F7: variants seen among roughly 807,000 people sequenced by gnomAD.
F7 encodes the protein coagulation factor VII.
In F7, 38 loss-of-function variants were observed where a neutral mutation model predicts 47.5. The ratio of observed to expected loss-of-function variants is 0.80; its 90% CI spans 0.62 to 1.05. The LOEUF (loss-of-function observed/expected upper bound fraction) is 1.05. F7 is among the 50% of genes least tolerant of loss of function. The pLI is 0.00. For synonymous variants in F7, 244 were observed against 258.5 expected (o/e 0.94, Z 0.54); for missense variants, 575 against 605.4 (o/e 0.95, Z 0.53).
Position 113,118,778 on chromosome 13 carries a change from G to A in F7, c.1105G>A (p.Gly369Ser), listed in dbSNP as rs190485816. 19 of 1,613,134 alleles carry A rather than the reference G, an allele frequency of 1.2e-5. No homozygotes were observed. Among genetic ancestry groups the A allele is most frequent in the African/African-American group, 4.0e-5 (3 of 75,038 alleles). Reference protein sequence around the residue: ...PNITEYMFCAGYSDGSKDSCK... With the variant: ...PNITEYMFCASYSDGSKDSCK... Reference sequence around the variant, plus strand: ...TATCACGGAGTACATGTTCTGTGCCGGCTACTCGGATGGCAGCAAGGACTC... The same window carrying A: ...TATCACGGAGTACATGTTCTGTGCCAGCTACTCGGATGGCAGCAAGGACTC... The change falls in exon 8 of 8, where the codon GGC (glycine) becomes AGC (serine). Residue 369 changes from glycine (G) to serine (S), a missense_variant. Coordinates refer to ENST00000346342, the MANE Select transcript of F7 (RefSeq NM_019616.4).
chr13:113,105,899 G>A lies in F7; in HGVS notation c.58G>A (p.Ala20Thr). 1 of 1,587,986 alleles carries A rather than the reference G, an allele frequency of 6.3e-7. No individual in the cohort carries two copies. Among genetic ancestry groups the A allele is most frequent in the Non-Finnish European group, 8.6e-7 (1 of 1,167,606 alleles). Residue 20 changes from alanine to threonine, a missense_variant, in exon 1 of 8, where the codon GCT becomes ACT. Physicochemically the swap from Ala to Thr is moderately conservative, Grantham distance 58 (BLOSUM62 0). Transcript: ENST00000346342. ...CLLLGLQGCLAAVFVTQEEAH... is the reference protein window; with the variant it reads ...CLLLGLQGCLTAVFVTQEEAH... Reference sequence around the variant, plus strand: ...TCTGCTTGGGCTTCAGGGCTGCCTGGCTGCAGGTGCGTCCGGGGAGGTTTT... The same window carrying A: ...TCTGCTTGGGCTTCAGGGCTGCCTGACTGCAGGTGCGTCCGGGGAGGTTTT...
At chr13:113,108,793 TG>T (rs2036027192) in intron 1 of F7, among the ~76,000 whole-genome samples, 1 of 51,750 alleles carries the variant, frequency 1.9e-5, no homozygotes, top group Non-Finnish European at 3.9e-5. Flanking sequence ...CCCAGGGGTG[TG>T]GGTGTCCCGG....
In F7 at chr13:113,115,546, C is replaced by T; in HGVS notation, c.365-114C>T. ...AGCTCAGGCTCTGTCACCCACAGCT[C>T]AGTGCCACCTTCCAGGCAGAACACC... On this transcript the variant is annotated intron_variant, in intron 4 of 7. Coordinates refer to ENST00000346342, the MANE Select transcript of F7 (RefSeq NM_019616.4). The T allele has an allele frequency of 1.3e-5, 15 of 1,192,658 alleles. No homozygotes were observed. The South Asian group carries it at 1.7e-4, about 14-fold the overall frequency. 73.9% of individuals were successfully genotyped at this position (1,192,658 alleles called of 1,614,324 possible). A position where few individuals can be genotyped will look rare whatever the true frequency, so the allele number is the denominator to read the frequency against.
At chr13:113,117,191 A>G (rs965683108) in intron 6 of F7, among the ~76,000 whole-genome samples, 1 of 152,252 alleles carries the variant, frequency 6.6e-6, no homozygotes, top group African/African-American at 2.4e-5. Flanking sequence ...AATCAGGAGC[A>G]TTGGATCAAA....
intron 1 of F7, among the ~76,000 whole-genome samples, chr13:113,106,278 C>A (rs528907277): frequency 8.7e-4 from 57 of 65,684 alleles, no homozygotes; most frequent in African/African-American, 3.4e-3. Flanking sequence ...GGGGACGGTG[C>A]GTGGGGGATG....
chr13:113,114,280 G>A (rs182598603), intron 4 of F7, among the ~76,000 whole-genome samples: 117 of 151,970 alleles, frequency 7.7e-4, no homozygotes, highest in African/African-American at 2.6e-3. Context: ...ACGCAGGACC[G>A]CTTGGTAAAC....
At chr13:113,109,146 A>G (rs1271436067) in intron 1 of F7, among the ~76,000 whole-genome samples, 35 of 63,070 alleles carry the variant, frequency 5.5e-4, no homozygotes, top group African/African-American at 8.9e-4. Context: ...GTGTCCCGGG[A>G]GTGTGGGTGT....
chr13:113,114,959 G>C (rs1345288619), intron 4 of F7: 2 of 156,418 alleles, frequency 1.3e-5, no homozygotes, highest in Non-Finnish European at 2.8e-5. Context: ...TCTCTAAGCA[G>C]AAGAGAGCCC....
rs1674692875 is a variant in F7 at position 113,115,586 on chromosome 13, G to T, written c.365-74G>T. 4.5e-6 allele frequency: 7 copies of T among 1,548,110 alleles called. No individual in the cohort carries two copies. In the Admixed American group the frequency reaches 9.4e-5, roughly 21 times the overall value. Reference sequence around the variant, plus strand: ...GGCAGAACACCACTGCTGACCCAGGGCATGGCCACCCCGGGGGCTGGCTCT... The same window carrying T: ...GGCAGAACACCACTGCTGACCCAGGTCATGGCCACCCCGGGGGCTGGCTCT... On this transcript the variant is annotated intron_variant, in intron 4 of 7. Coordinates refer to ENST00000346342, the MANE Select transcript of F7 (RefSeq NM_019616.4).
In F7 at chr13:113,119,181, A is replaced by C; in HGVS notation, c.*173A>C. Reference sequence around the variant, plus strand: ...GAGAGACAGAGACAGAGAGAGACTGAGGGAGAGACTCTGAGGACATGGAGA... The same window carrying C: ...GAGAGACAGAGACAGAGAGAGACTGCGGGAGAGACTCTGAGGACATGGAGA... On this transcript the variant is annotated 3_prime_UTR_variant, in exon 8 of 8. Transcript: ENST00000346342. 1 of 646,998 alleles carries C rather than the reference A, an allele frequency of 1.5e-6. No individual in the cohort carries two copies. The highest frequency in any genetic ancestry group is 1.9e-5 in the South Asian group (1 of 53,734). The allele number at this position is 646,998 out of a possible 1,614,324, so 40.1% of individuals were successfully genotyped here.
intron 1 of F7, chr13:113,110,289 GC>G (rs1401949268): frequency 5.4e-6 from 1 of 185,082 alleles, no homozygotes; most frequent in Non-Finnish European, 1.1e-5. Flanking sequence ...ATTTCCGCGG[GC>G]GGCTGTACGG....
intron 1 of F7, among the ~76,000 whole-genome samples, chr13:113,110,168 G>A (rs1218691349): frequency 1.3e-5 from 2 of 152,166 alleles, no homozygotes; most frequent in South Asian, 2.1e-4. Context: ...GAAGCCCGGG[G>A]CTCGCTGTCG....
chr13:113,118,298 C>A, intron 7 of F7, 115 bp from the exon 8 acceptor site: 1 of 1,221,734 alleles, frequency 8.2e-7, no homozygotes, highest in Non-Finnish European at 1.1e-6. Context: ...TCCCCTTGCC[C>A]CAGAAGGAGA....
rs767341944 is a variant in F7, at chr13:113,114,014, AG to A, written c.364+56del. ...GCAGAGGGCCCTGGGGAGCTGGTGGAGGTGGCCTGGCCAACCGGGCTGCAGG... is the reference window on the plus strand; with the variant it reads ...GCAGAGGGCCCTGGGGAGCTGGTGGAGTGGCCTGGCCAACCGGGCTGCAGG... On this transcript the variant is annotated intron_variant, in intron 4 of 7. Transcript: ENST00000346342. 2.6e-5 allele frequency: 41 copies of A among 1,602,534 alleles called. 1 individual carries two copies. The highest frequency in any genetic ancestry group is 1.6e-4 in the East Asian group (7 of 44,786).
Position 113,113,742 on chromosome 13 carries a change from G to C in F7, c.226-10G>C. ...TGCATCTCACGAGGCTTGCTCTCTTGTTCCTTCAGAAGCTGTTCTGGATTT... is the reference window on the plus strand; with the variant it reads ...TGCATCTCACGAGGCTTGCTCTCTTCTTCCTTCAGAAGCTGTTCTGGATTT... On this transcript the variant is annotated splice_polypyrimidine_tract_variant and intron_variant, in intron 2 of 7. Coordinates refer to ENST00000346342, the MANE Select transcript of F7 (RefSeq NM_019616.4). This position sits in a 1 kb window ranked among gnomAD's most constrained non-coding sequence, Gnocchi z 4.1. 6.2e-7 allele frequency: 1 copy of C among 1,614,108 alleles called. No homozygotes were observed. The highest frequency in any genetic ancestry group is 8.5e-7 in the Non-Finnish European group (1 of 1,179,954).
chr13:113,119,261 AT>A lies in F7; in HGVS notation c.*254del, dbSNP rs908475612. 2 of 544,294 alleles carry A rather than the reference AT, an allele frequency of 3.7e-6. No homozygotes were observed. The highest frequency in any genetic ancestry group is 3.8e-5 in the African/African-American group (2 of 52,768). The allele number at this position is 544,294 out of a possible 1,614,324, so 33.7% of individuals were successfully genotyped here. A position where few individuals can be genotyped will look rare whatever the true frequency, so the allele number is the denominator to read the frequency against. ...AGACTAATAGAGACACAGAGATGGA[AT>A]AGAAAAGATGAGAGGCAGAGGCAGA... On this transcript the variant is annotated 3_prime_UTR_variant, in exon 8 of 8. Transcript: ENST00000346342.
chr13:113,114,192 C>T (rs962350022), intron 4 of F7, among the ~76,000 whole-genome samples: 4 of 152,150 alleles, frequency 2.6e-5, no homozygotes, highest in Non-Finnish European at 2.9e-5. Flanking sequence ...CTTGGGCTCC[C>T]GGCCCTGGGC....
rs2036257281 is a variant in F7 at position 113,119,195 on chromosome 13, A to G, written c.*187A>G. 2 of 620,020 alleles carry G rather than the reference A, an allele frequency of 3.2e-6. No homozygotes were observed. Among genetic ancestry groups the G allele is most frequent in the Middle Eastern group, 4.3e-4 (1 of 2,330 alleles). The allele number at this position is 620,020 out of a possible 1,614,324, so 38.4% of individuals were successfully genotyped here. The stretch of plus-strand genomic sequence containing the variant: ...GAGAGAGACTGAGGGAGAGACTCTG[A>G]GGACATGGAGAGAGACTCAAAGAGA... On this transcript the variant is annotated 3_prime_UTR_variant, in exon 8 of 8. Transcript: ENST00000346342.
Position 113,119,038 on chromosome 13 carries a change from C to T in F7, c.*30C>T. 6.3e-7 allele frequency: 1 copy of T among 1,591,846 alleles called. No individual in the cohort carries two copies. Among genetic ancestry groups the T allele is most frequent in the African/African-American group, 1.3e-5 (1 of 74,928 alleles). On this transcript the variant is annotated 3_prime_UTR_variant, in exon 8 of 8. Transcript: ENST00000346342. ...GCAGCCCTGGCCTGTGGAGAGAAAGCCAAGGCTGCGTCGAACTGTCCTGGC... is the reference window on the plus strand; with the variant it reads ...GCAGCCCTGGCCTGTGGAGAGAAAGTCAAGGCTGCGTCGAACTGTCCTGGC...
Sources: allele counts gnomAD v4.1 joint callset (sites outside exome capture counted in the v4.1 genomes callset), GRCh38; gene constraint gnomAD v4.1.1; non-coding constraint Gnocchi (gnomAD v3.1); transcripts MANE v1.5; gene names NCBI Gene and HGNC (gene_info 2026-07-23, HGNC 2026-07-21).